The following LINGO2 variants were observed in gnomAD, a reference collection of about 807,000 sequenced individuals.
LINGO2 encodes leucine-rich repeat and immunoglobulin-like domain-containing nogo receptor-interacting protein 2.
In LINGO2, 14 loss-of-function variants were observed where a neutral mutation model predicts 30.6. The ratio of observed to expected loss-of-function variants is 0.46; its 90% CI spans 0.30 to 0.72. LINGO2 has a LOEUF of 0.72. Ranked by LOEUF, LINGO2 falls within the 30% of genes least tolerant of loss-of-function variation. The probability of loss-of-function intolerance (pLI) is 0.07; values close to 1 mark genes in which losing one functional copy is unlikely to be tolerated. For missense variants in LINGO2, 729 were observed against 751.7 expected (o/e 0.97, Z 0.35); for synonymous variants, 317 against 288.5 (o/e 1.10, Z -1.00).
intron 3 of LINGO2, among the ~76,000 whole-genome samples, chr9:28,297,779 A>C (rs1823978866): frequency 6.6e-6 from 1 of 152,178 alleles, no homozygotes; most frequent in South Asian, 2.1e-4. Flanking sequence ...TAATCCAACC[A>C]ATTAGGTTTT....
At chr9:28,054,790 AAT>A (rs918834904) in intron 4 of LINGO2, among the ~76,000 whole-genome samples, 80 of 140,052 alleles carry the variant, frequency 5.7e-4, no homozygotes, top group African/African-American at 2.2e-3. Flanking sequence ...GCTATAACTT[AAT>A]TTTTAATTTT....
the LINGO2 span, among the ~76,000 whole-genome samples, chr9:29,127,602 G>A: frequency 6.6e-6 from 1 of 152,038 alleles, no homozygotes; most frequent in African/African-American, 2.4e-5. Context: ...GTTCGGGTGA[G>A]GGACCTGAGT....
the LINGO2 span, among the ~76,000 whole-genome samples, chr9:28,797,359 T>TATATATAGAGAG: frequency 1.1e-3 from 39 of 34,202 alleles, no homozygotes; most frequent in East Asian, 1.6e-3. Context: ...TATATATATA[T>TATATATAGAGAG]AGAGAGAGAG....
intron 2 of LINGO2, among the ~76,000 whole-genome samples, chr9:28,452,930 G>A (rs1824706654): frequency 6.6e-6 from 1 of 151,758 alleles, no homozygotes; most frequent in African/African-American, 2.4e-5. Flanking sequence ...TTAAGGAGGA[G>A]TTTAAATGTT....
intron 4 of LINGO2, among the ~76,000 whole-genome samples, chr9:28,095,002 AT>A (rs1457276198): frequency 2.0e-5 from 3 of 152,270 alleles, no homozygotes; most frequent in Admixed American, 2.0e-4. Context: ...GTAATATAAT[AT>A]TTTAAAAATT....
intron 5 of LINGO2, among the ~76,000 whole-genome samples, chr9:27,973,696 T>A (rs1249880653): frequency 6.6e-6 from 1 of 152,150 alleles, no homozygotes; most frequent in African/African-American, 2.4e-5. Context: ...TGAGTATCTT[T>A]CCTGTGGAAA....
chr9:28,841,903 C>T, the LINGO2 span, among the ~76,000 whole-genome samples: 7 of 151,606 alleles, frequency 4.6e-5, no homozygotes, highest in East Asian at 1.9e-4. Context: ...TAATAAAAAC[C>T]GCCTTCCTCA....
At chr9:29,167,285 A>G in the LINGO2 span, among the ~76,000 whole-genome samples, 1 of 152,118 alleles carries the variant, frequency 6.6e-6, no homozygotes, top group African/African-American at 2.4e-5. Context: ...AGAATCTTTT[A>G]TTACCTCAGG....
At chr9:28,687,759 G>A in the LINGO2 span, among the ~76,000 whole-genome samples, 2 of 151,220 alleles carry the variant, frequency 1.3e-5, no homozygotes, top group African/African-American at 2.4e-5. Flanking sequence ...ATTTTTTTTT[G>A]TTTATTTTTA....
intron 1 of LINGO2, among the ~76,000 whole-genome samples, chr9:28,578,546 T>A (rs1326971425): frequency 1.3e-5 from 2 of 152,168 alleles, no homozygotes; most frequent in Non-Finnish European, 1.5e-5. Context: ...CTTACAAGAC[T>A]CAATTTATAA....
intron 4 of LINGO2, among the ~76,000 whole-genome samples, chr9:28,270,130 G>A (rs897609297): frequency 2.6e-5 from 4 of 152,138 alleles, no homozygotes; most frequent in Admixed American, 6.5e-5. Flanking sequence ...CACTGAGTTC[G>A]GCAAAGTGAC....
intron 4 of LINGO2, among the ~76,000 whole-genome samples, chr9:28,170,810 C>T (rs2133653808): frequency 6.6e-6 from 1 of 152,286 alleles, no homozygotes; most frequent in African/African-American, 2.4e-5. Flanking sequence ...ATTCTTCTGC[C>T]TCTCTCTTCC....
intron 2 of LINGO2, among the ~76,000 whole-genome samples, chr9:28,428,205 G>C (rs1009650207): frequency 2.6e-5 from 4 of 152,092 alleles, no homozygotes; most frequent in African/African-American, 9.7e-5. Flanking sequence ...TCACAGAACA[G>C]TAAACAAAAC....
At chr9:28,892,847 A>G in the LINGO2 span, among the ~76,000 whole-genome samples, 27 of 152,146 alleles carry the variant, frequency 1.8e-4, no homozygotes, top group South Asian at 4.1e-4. Flanking sequence ...AATGACGAAA[A>G]TGTTTAAAAC....
the LINGO2 span, among the ~76,000 whole-genome samples, chr9:29,163,788 A>C: frequency 0.82 from 125,303 of 152,046 alleles, 51,636 homozygotes; most frequent in Admixed American, 0.87. Flanking sequence ...TGTTTGGAAA[A>C]CTTAAAATAA....
At chr9:28,034,804 C>T (rs1018837814) in intron 4 of LINGO2, among the ~76,000 whole-genome samples, 2 of 152,168 alleles carry the variant, frequency 1.3e-5, no homozygotes, top group Admixed American at 6.5e-5. Flanking sequence ...TCTTAAATTG[C>T]TTTTCTTCAG....
chr9:28,530,215 A>G (rs1821177716), intron 1 of LINGO2, among the ~76,000 whole-genome samples: 1 of 152,106 alleles, frequency 6.6e-6, no homozygotes, highest in African/African-American at 2.4e-5. Flanking sequence ...CAAGTTTAAT[A>G]GCACGATGAT....
At chr9:29,213,261 C>T in the LINGO2 span, among the ~76,000 whole-genome samples, 1 of 152,148 alleles carries the variant, frequency 6.6e-6, no homozygotes, top group Non-Finnish European at 1.5e-5. Flanking sequence ...CAGTTGCGGC[C>T]GCTCCTCTTG....
the LINGO2 span, among the ~76,000 whole-genome samples, chr9:28,699,402 G>T: frequency 2.0e-5 from 3 of 152,018 alleles, no homozygotes; most frequent in East Asian, 5.8e-4. Flanking sequence ...AATTTCTTAC[G>T]CCTGTCTTAC....
Sources: allele counts gnomAD v4.1 joint callset (sites outside exome capture counted in the v4.1 genomes callset), GRCh38; gene constraint gnomAD v4.1.1; transcripts MANE v1.5; gene names NCBI Gene and HGNC (gene_info 2026-07-23, HGNC 2026-07-21).